TENT4A: variants seen among roughly 807,000 people sequenced by gnomAD.
TENT4A encodes terminal nucleotidyltransferase 4A, also known as DNA polymerase kappa.
In TENT4A, 7 loss-of-function variants were observed where a neutral mutation model predicts 72.8. The ratio of observed to expected loss-of-function variants is 0.10; its 90% CI spans 0.05 to 0.18. The LOEUF (loss-of-function observed/expected upper bound fraction) is 0.18. Ranked by LOEUF, TENT4A falls within the 10% of genes least tolerant of loss-of-function variation. TENT4A has a pLI of 1.00. For missense variants in TENT4A, 831 were observed against 1,017.7 expected, an observed-to-expected ratio of 0.82 and a Z score of 2.50; for synonymous variants, 456 against 434.3, an observed-to-expected ratio of 1.05 and a Z score of -0.62.
chr5:6,726,760 C>G (rs879384127), intron 1 of TENT4A, among the ~76,000 whole-genome samples: 4 of 152,266 alleles, frequency 2.6e-5, no homozygotes, highest in African/African-American at 7.2e-5. Context: ...GACCCAGTCC[C>G]CAGGGATGGG....
In TENT4A at chr5:6,713,944, G is replaced by T. The variant is rs1330553276; in HGVS notation, c.-40G>T. On this transcript the variant is annotated 5_prime_UTR_variant, in exon 1 of 13. Coordinates refer to ENST00000230859, the MANE Select transcript of TENT4A (RefSeq NM_006999.6). The stretch of plus-strand genomic sequence containing the variant: ...GCGCGGCGGGGGCGGGGCCGCGTCG[G>T]GGCGGGCGGGCGCGCGGGCCCCGCG... 3 of 872,044 alleles carry T rather than the reference G, an allele frequency of 3.4e-6. No individual in the cohort carries two copies. The highest frequency in any genetic ancestry group is 4.1e-6 in the Non-Finnish European group (3 of 729,806). 54.0% of individuals were successfully genotyped at this position (872,044 alleles called of 1,614,324 possible). A position where few individuals can be genotyped will look rare whatever the true frequency, so the allele number is the denominator to read the frequency against.
chr5:6,750,229 T>C (rs2126655478), intron 9 of TENT4A, 102 bp from the exon 10 acceptor site: 3 of 854,538 alleles, frequency 3.5e-6, no homozygotes, highest in East Asian at 5.8e-5. Flanking sequence ...TTAGTCACAT[T>C]AGCAGCGTTC....
chr5:6,748,322 C>T (rs372716337), intron 7 of TENT4A, 142 bp from the exon 8 acceptor site: 26 of 1,103,068 alleles, frequency 2.4e-5, no homozygotes, highest in African/African-American at 7.7e-5. Context: ...CCATTGTGTT[C>T]GCCTGTCTGG....
intron 1 of TENT4A, among the ~76,000 whole-genome samples, chr5:6,729,716 A>G (rs1368771481): frequency 6.6e-6 from 1 of 152,150 alleles, no homozygotes; most frequent in Non-Finnish European, 1.5e-5. Flanking sequence ...CCTTGATTGC[A>G]CTGTGGGTTG....
At chr5:6,750,292 T>TGATTAAGTGTAGA in intron 9 of TENT4A, 39 bp from the exon 10 acceptor site, 1 of 1,561,608 alleles carries the variant, frequency 6.4e-7, no homozygotes, top group Admixed American at 1.9e-5. Flanking sequence ...CACGCCGCAG[T>TGATTAAGTGTAGA]TCTCAGGAGT....
intron 1 of TENT4A, among the ~76,000 whole-genome samples, chr5:6,735,213 G>A (rs1459038858): frequency 3.9e-5 from 6 of 152,162 alleles, no homozygotes; most frequent in East Asian, 1.9e-4. Flanking sequence ...ATGACTTTGG[G>A]CCAATTATTT....
chr5:6,752,249 A>G (rs1176292620), intron 11 of TENT4A, among the ~76,000 whole-genome samples: 2 of 152,152 alleles, frequency 1.3e-5, no homozygotes, highest in East Asian at 3.8e-4. Flanking sequence ...GTGTGGTTCG[A>G]GTGTGAAGTC....
At chr5:6,752,315 A>G (rs971853867) in intron 11 of TENT4A, among the ~76,000 whole-genome samples, 6 of 152,252 alleles carry the variant, frequency 3.9e-5, no homozygotes, top group African/African-American at 1.2e-4. Flanking sequence ...GCCACAGTCA[A>G]TCTCCAGAGG....
At chr5:6,715,973 A>G (rs1050164328) in intron 1 of TENT4A, among the ~76,000 whole-genome samples, 1 of 152,152 alleles carries the variant, frequency 6.6e-6, no homozygotes, top group African/African-American at 2.4e-5. Context: ...ATAGCAATAT[A>G]TACCTAAGGG....
intron 1 of TENT4A, among the ~76,000 whole-genome samples, chr5:6,726,869 C>T (rs554037617): frequency 3.3e-5 from 5 of 152,248 alleles, no homozygotes; most frequent in African/African-American, 1.2e-4. Flanking sequence ...AGACTGAGGT[C>T]GGCCTTAGCG....
At chr5:6,716,982 G>A (rs1298225912) in intron 1 of TENT4A, among the ~76,000 whole-genome samples, 3 of 152,234 alleles carry the variant, frequency 2.0e-5, no homozygotes, top group Non-Finnish European at 2.9e-5. Context: ...GTGCCCAGAA[G>A]GGCACGGTGA....
chr5:6,732,576 C>T (rs941063787), intron 1 of TENT4A, among the ~76,000 whole-genome samples: 1 of 152,186 alleles, frequency 6.6e-6, no homozygotes, highest in South Asian at 2.1e-4. Context: ...CATTACCTTT[C>T]GATGGGTTTG....
Position 6,714,290 on chromosome 5 carries a change from C to T in TENT4A, c.307C>T (p.His103Tyr), listed in dbSNP as rs923536447. The T allele has an allele frequency of 1.0e-5, 11 of 1,088,550 alleles. No homozygotes were observed. Among genetic ancestry groups the T allele is most frequent in the South Asian group, 4.3e-5 (1 of 23,064 alleles). The allele number at this position is 1,088,550 out of a possible 1,614,324, so 67.4% of individuals were successfully genotyped here. ...CGCGGCCGAGGGCGCGCGGCGCTTG[C>T]ACAAGTCGCCGTCGCTGTCGTCCTC... The part of the protein sequence containing the change: ...GPAAEGARRL[H>Y]KSPSLSSSSS... Residue 103 changes from histidine to tyrosine, a missense_variant, in exon 1 of 13, where the codon CAC (histidine) becomes TAC (tyrosine). By Grantham distance (83) the His-to-Tyr change is moderately conservative (BLOSUM62 2). Transcript: ENST00000230859.
intron 11 of TENT4A, 56 bp downstream of exon 11, chr5:6,751,253 C>T: frequency 3.2e-6 from 5 of 1,555,892 alleles, no homozygotes; most frequent in Non-Finnish European, 3.5e-6. Flanking sequence ...AGCATCCGAG[C>T]TGTGATATGC....
chr5:6,752,307 C>T (rs1023052441), intron 11 of TENT4A, among the ~76,000 whole-genome samples: 5 of 152,240 alleles, frequency 3.3e-5, no homozygotes, highest in African/African-American at 1.2e-4. Context: ...GACTCTTGGC[C>T]ACAGTCAATC....
chr5:6,714,755 GC>G, intron 1 of TENT4A, 56 bp downstream of exon 1: 2 of 1,048,508 alleles, frequency 1.9e-6, no homozygotes, highest in East Asian at 4.0e-5. Context: ...CCTGGCCGGC[GC>G]CCGCGGTGCA....
At chr5:6,737,438 A>AT in intron 1 of TENT4A, 72 bp from the exon 2 acceptor site, 7 of 1,340,628 alleles carry the variant, frequency 5.2e-6, no homozygotes, top group Non-Finnish European at 7.2e-6. Context: ...CGTCATCCTG[A>AT]TGTAAGAACA....
chr5:6,746,538 A>T (rs568756316), intron 7 of TENT4A, 111 bp downstream of exon 7: 4 of 862,624 alleles, frequency 4.6e-6, no homozygotes, highest in Non-Finnish European at 7.4e-6. Flanking sequence ...TTTGCTCTTG[A>T]TGCAGGTTTC....
Position 6,755,011 on chromosome 5 carries a change from A to C in TENT4A, c.*66A>C, listed in dbSNP as rs948047837. ...CTGCCCCGCGGCCTCGGCCACCGGC[A>C]GGGGAACCGAGACCAGCACCCCGCA... On this transcript the variant is annotated 3_prime_UTR_variant, in exon 13 of 13. Coordinates refer to ENST00000230859, the MANE Select transcript of TENT4A (RefSeq NM_006999.6). The C allele has an allele frequency of 2.9e-5, 41 of 1,393,556 alleles. No homozygotes were observed. The East Asian group carries it at 9.3e-4, about 32-fold the overall frequency. 86.3% of individuals were successfully genotyped at this position (1,393,556 alleles called of 1,614,324 possible).
Sources: allele counts gnomAD v4.1 joint callset (sites outside exome capture counted in the v4.1 genomes callset), GRCh38; gene constraint gnomAD v4.1.1; transcripts MANE v1.5; gene names NCBI Gene and HGNC (gene_info 2026-07-23, HGNC 2026-07-21).